NALCN: variants seen among roughly 807,000 people sequenced by gnomAD.
The protein encoded by NALCN is sodium leak channel NALCN.
In NALCN, 111 loss-of-function variants were observed where a neutral mutation model predicts 225.3. The observed-to-expected ratio is 0.49, with a 90% CI of 0.42 to 0.58. The LOEUF is 0.58. NALCN is among the 20% of genes least tolerant of loss of function. The pLI, the probability that NALCN is intolerant of heterozygous loss-of-function variation, is 0.00. For missense variants in NALCN, 1,378 were observed against 2,202.4 expected (o/e 0.63, Z 7.49); for synonymous variants, 764 against 769.0 (o/e 0.99, Z 0.11).
intron 7 of NALCN, among the ~76,000 whole-genome samples, chr13:101,323,231 G>A (rs2044817906): frequency 6.6e-6 from 1 of 152,064 alleles, no homozygotes; most frequent in Non-Finnish European, 1.5e-5. Flanking sequence ...TGGAATAGTA[G>A]GTAGAGACTG....
intron 10 of NALCN, among the ~76,000 whole-genome samples, chr13:101,272,400 G>A (rs1269161755): frequency 6.6e-6 from 1 of 152,210 alleles, no homozygotes; most frequent in Non-Finnish European, 1.5e-5. Flanking sequence ...GCACGTGAAC[G>A]CAGCTGGATA....
intron 1 of NALCN, among the ~76,000 whole-genome samples, chr13:101,414,875 C>T (rs74120037): frequency 0.015 from 2,229 of 151,474 alleles, 54 homozygotes; most frequent in African/African-American, 0.051. Flanking sequence ...CCAACTGAAC[C>T]TTTTCACTTT....
At chr13:101,354,176 C>T (rs2045983807) in intron 6 of NALCN, among the ~76,000 whole-genome samples, 1 of 152,108 alleles carries the variant, frequency 6.6e-6, no homozygotes, top group Non-Finnish European at 1.5e-5. Context: ...AAACCCATCT[C>T]TACTAAAAAT....
At chr13:101,190,723 T>A (rs2039646786) in intron 14 of NALCN, among the ~76,000 whole-genome samples, 1 of 152,208 alleles carries the variant, frequency 6.6e-6, no homozygotes, top group African/African-American at 2.4e-5. Flanking sequence ...CTAAGTTATA[T>A]CTAGTTTATC....
chr13:101,183,690 C>T (rs1278072355), intron 14 of NALCN, among the ~76,000 whole-genome samples: 1 of 152,110 alleles, frequency 6.6e-6, no homozygotes, highest in Non-Finnish European at 1.5e-5. Context: ...GAATTCCCGA[C>T]CTCAGGTGAT....
At chr13:101,262,050 C>A (rs2042446362) in intron 10 of NALCN, among the ~76,000 whole-genome samples, 1 of 152,116 alleles carries the variant, frequency 6.6e-6, no homozygotes, top group Non-Finnish European at 1.5e-5. Context: ...AGGGGTTTTA[C>A]CATGAAGAGA....
intron 1 of NALCN, among the ~76,000 whole-genome samples, chr13:101,415,233 A>G: frequency 6.7e-6 from 1 of 149,236 alleles, no homozygotes. Context: ...ATACATACAT[A>G]TATATTTCAA....
Position 101,061,835 on chromosome 13 carries a change from A to G in NALCN, c.4755+133T>C, listed in dbSNP as rs897203791. 5 of 781,742 alleles carry G rather than the reference A, an allele frequency of 6.4e-6. No individual in the cohort carries two copies. In the African/African-American group the frequency reaches 8.7e-5, roughly 14 times the overall value. 48.4% of individuals were successfully genotyped at this position (781,742 alleles called of 1,614,324 possible). On this transcript the variant is annotated intron_variant, in intron 41 of 43. Transcript: ENST00000251127. Reference sequence around the variant, plus strand: ...ACCACTGTAAGTGGAGGTAGTGGACATAGTTTAAAGGGATAGAAGGCTGAT... The same window carrying G: ...ACCACTGTAAGTGGAGGTAGTGGACGTAGTTTAAAGGGATAGAAGGCTGAT...
intron 2 of NALCN, among the ~76,000 whole-genome samples, chr13:101,397,639 TA>T (rs1262776353): frequency 6.6e-6 from 1 of 151,414 alleles, no homozygotes; most frequent in African/African-American, 2.4e-5. Flanking sequence ...TGTTTATATG[TA>T]TGTGTATATA....
chr13:101,144,633 G>T, intron 16 of NALCN, 127 bp downstream of exon 16: 2 of 857,110 alleles, frequency 2.3e-6, no homozygotes, highest in Non-Finnish European at 3.5e-6. Flanking sequence ...AGAGGTAGTA[G>T]AAAGATGACA....
intron 41 of NALCN, 132 bp downstream of exon 41, chr13:101,061,836 T>C (rs1429961880): frequency 6.3e-6 from 5 of 790,582 alleles, no homozygotes; most frequent in South Asian, 5.7e-5. Flanking sequence ...GTAGTGGACA[T>C]AGTTTAAAGG....
At chr13:101,253,599 G>C (rs367926111) in intron 11 of NALCN, among the ~76,000 whole-genome samples, 1 of 151,992 alleles carries the variant, frequency 6.6e-6, no homozygotes, top group African/African-American at 2.4e-5. Flanking sequence ...TAGCTTTATT[G>C]TTGTCAGTAT....
chr13:101,139,998 C>T (rs1463190114), intron 17 of NALCN, among the ~76,000 whole-genome samples: 1 of 152,128 alleles, frequency 6.6e-6, no homozygotes, highest in Non-Finnish European at 1.5e-5. Flanking sequence ...ACACCAAGAA[C>T]TGGTGGGAAC....
intron 14 of NALCN, among the ~76,000 whole-genome samples, chr13:101,179,716 C>T (rs1032044887): frequency 1.3e-5 from 2 of 152,106 alleles, no homozygotes; most frequent in African/African-American, 4.8e-5. Context: ...GCTCTGATTC[C>T]CAGTGATGTC....
chr13:101,218,063 G>A (rs148464072), intron 13 of NALCN, among the ~76,000 whole-genome samples: 1 of 152,120 alleles, frequency 6.6e-6, no homozygotes, highest in South Asian at 2.1e-4. Flanking sequence ...TTAATTCTAG[G>A]AATGACCCTG....
chr13:101,108,641 G>A (rs148742451), intron 20 of NALCN, among the ~76,000 whole-genome samples: 150 of 152,280 alleles, frequency 9.9e-4, no homozygotes, highest in African/African-American at 3.4e-3. Context: ...CTAGGAGCAG[G>A]CCTGGCGTGT....
intron 1 of NALCN, among the ~76,000 whole-genome samples, chr13:101,411,539 G>A (rs553296830): frequency 1.3e-5 from 2 of 149,548 alleles, no homozygotes; most frequent in African/African-American, 5.1e-5. Flanking sequence ...TAGCAGGGAC[G>A]GGGTTTCACC....
chr13:101,352,441 C>A (rs1219502281), intron 6 of NALCN, among the ~76,000 whole-genome samples: 1 of 151,876 alleles, frequency 6.6e-6, no homozygotes, highest in Non-Finnish European at 1.5e-5. Flanking sequence ...CCTGCATTTG[C>A]ATATGAGAGA....
chr13:101,255,379 C>T (rs2042197503), intron 11 of NALCN, among the ~76,000 whole-genome samples: 1 of 152,176 alleles, frequency 6.6e-6, no homozygotes, highest in Admixed American at 6.5e-5. Context: ...GAATTCCCTT[C>T]CCTGCTGTTG....
Sources: allele counts gnomAD v4.1 joint callset (sites outside exome capture counted in the v4.1 genomes callset), GRCh38; gene constraint gnomAD v4.1.1; transcripts MANE v1.5; gene names NCBI Gene and HGNC (gene_info 2026-07-23, HGNC 2026-07-21).